The following OAS3 variants were observed in gnomAD, a reference collection of about 807,000 sequenced individuals.
OAS3 encodes 2'-5'-oligoadenylate synthase 3.
A neutral mutation model predicts 113.0 loss-of-function variants in OAS3; 107 were observed. The ratio of observed to expected loss-of-function variants is 0.95; its 90% CI spans 0.81 to 1.11. The LOEUF (loss-of-function observed/expected upper bound fraction) is 1.11. OAS3 is among the 50% of genes most tolerant of loss of function. OAS3 has a pLI of 0.00. For synonymous variants in OAS3, 552 were observed against 573.6 expected, an observed-to-expected ratio of 0.96 and a Z score of 0.54; for missense variants, 1,258 against 1,389.1, an observed-to-expected ratio of 0.91 and a Z score of 1.50.
At position 112,950,318 on chromosome 12, in the gene OAS3, C is replaced by T. The variant is rs370140233; in HGVS notation, c.1375-375C>T. 5.3e-5 allele frequency among the ~76,000 whole-genome samples: 8 copies of T among 152,310 alleles called. No individual in the cohort carries two copies. In the East Asian group the frequency reaches 1.5e-3, roughly 29 times the overall value. On this transcript the variant is annotated intron_variant, in intron 6 of 15. Transcript: ENST00000228928. ...CAGGGCAACAGAGGACAATTGCAGGCCCTATTAGGGCTTGGGACCTCAATT... is the reference window on the plus strand; with the variant it reads ...CAGGGCAACAGAGGACAATTGCAGGTCCTATTAGGGCTTGGGACCTCAATT...
chr12:112,957,756 G>C (rs1236968974), intron 7 of OAS3, among the ~76,000 whole-genome samples: 1 of 152,150 alleles, frequency 6.6e-6, no homozygotes, highest in East Asian at 1.9e-4. Context: ...TTTCTCTCTG[G>C]CTGCCCTTAA....
chr12:112,950,497 G>A lies in OAS3; in HGVS notation c.1375-196G>A, dbSNP rs529060002. On this transcript the variant is annotated intron_variant, in intron 6 of 15. Transcript: ENST00000228928. ...TTCATGGATCAGAGGGCAGGTGCAG[G>A]CAGATACAACTTGACTCTCTGTCAC... is the stretch of plus-strand genomic sequence containing the variant. 24 of 626,984 alleles carry A rather than the reference G, an allele frequency of 3.8e-5. No individual in the cohort carries two copies. The South Asian group carries it at 4.5e-4, about 12-fold the overall frequency. 38.8% of individuals were successfully genotyped at this position (626,984 alleles called of 1,614,324 possible). A position where few individuals can be genotyped will look rare whatever the true frequency, so the allele number is the denominator to read the frequency against.
rs552003206 is a variant in OAS3, at chr12:112,960,828, T to C, written c.1658-243T>C. 6.6e-5 allele frequency among the ~76,000 whole-genome samples: 10 copies of C among 152,154 alleles called. No homozygotes were observed. In the East Asian group the frequency reaches 1.7e-3, roughly 26 times the overall value. ...GAAAATTTAAAAAACAAAAAATAAA[T>C]AGAAGATTATCCACTGTGCAGTTAC... On this transcript the variant is annotated intron_variant, in intron 7 of 15. Coordinates refer to ENST00000228928, the MANE Select transcript of OAS3 (RefSeq NM_006187.4).
intron 7 of OAS3, among the ~76,000 whole-genome samples, chr12:112,953,183 C>T (rs6489883): frequency 0.58 from 88,473 of 151,466 alleles, 26,474 homozygotes; most frequent in East Asian, 0.9. Flanking sequence ...TTCCCCACCC[C>T]GTGTCCAAGT....
rs757288416 is a variant in OAS3 at position 112,941,858 on chromosome 12, G to C, written c.460+6G>C. On this transcript the variant is annotated splice_donor_region_variant and intron_variant, in intron 2 of 15. Coordinates refer to ENST00000228928, the MANE Select transcript of OAS3 (RefSeq NM_006187.4). ...GCCTGCCTTCAATGTCCTGGGTGAGGGGTTCCTAGACCATTCCAGGGTTGG... is the reference window on the plus strand; with the variant it reads ...GCCTGCCTTCAATGTCCTGGGTGAGCGGTTCCTAGACCATTCCAGGGTTGG... 1.9e-6 allele frequency: 3 copies of C among 1,613,982 alleles called. No homozygotes were observed. Among genetic ancestry groups the C allele is most frequent in the Non-Finnish European group, 2.5e-6 (3 of 1,179,890 alleles).
At chr12:112,939,306 C>CTTTTTTTTTTTTTT (rs58792765) in intron 1 of OAS3, among the ~76,000 whole-genome samples, 11 of 68,300 alleles carry the variant, frequency 1.6e-4, no homozygotes, top group African/African-American at 6.0e-4. Flanking sequence ...TGAGTCACAT[C>CTTTTTTTTTTTTTT]TTTTTTTTTT....
intron 7 of OAS3, among the ~76,000 whole-genome samples, chr12:112,959,140 G>C (rs183209325): frequency 4.6e-5 from 7 of 152,146 alleles, no homozygotes; most frequent in African/African-American, 1.7e-4. Flanking sequence ...GTGACCCTCC[G>C]TGCCAGGTGC....
At chr12:112,947,481 T>C (rs2043744178) in intron 4 of OAS3, among the ~76,000 whole-genome samples, 1 of 152,258 alleles carries the variant, frequency 6.6e-6, no homozygotes, top group Non-Finnish European at 1.5e-5. Flanking sequence ...TTTAGCTATA[T>C]AGTTGTGGAT....
At chr12:112,942,274 A>C in intron 2 of OAS3, 1 of 356,654 alleles carries the variant, frequency 2.8e-6, no homozygotes. Context: ...TCTCCTTCGT[A>C]ATACACGTAT....
At position 112,970,268 on chromosome 12, in the gene OAS3, A is replaced by G. The variant is rs7300330; in HGVS notation, c.*295A>G. 45 of 482,620 alleles carry G rather than the reference A, an allele frequency of 9.3e-5. No individual in the cohort carries two copies. Among genetic ancestry groups the G allele is most frequent in the Non-Finnish European group, 1.5e-4 (39 of 268,264 alleles). The allele number at this position is 482,620 out of a possible 1,614,324, so 29.9% of individuals were successfully genotyped here. A position where few individuals can be genotyped will look rare whatever the true frequency, so the allele number is the denominator to read the frequency against. ...TCCATGACTCTATCCTCATACCACCACTGCTGCTTCCCACCCAGCTGAGAA... is the reference window on the plus strand; with the variant it reads ...TCCATGACTCTATCCTCATACCACCGCTGCTGCTTCCCACCCAGCTGAGAA... On this transcript the variant is annotated 3_prime_UTR_variant, in exon 16 of 16. Transcript: ENST00000228928.
Position 112,970,222 on chromosome 12 carries a change from G to A in OAS3, c.*249G>A, listed in dbSNP as rs796828996. 5.5e-5 allele frequency: 32 copies of A among 577,820 alleles called. No homozygotes were observed. The highest frequency in any genetic ancestry group is 1.6e-4 in the South Asian group (8 of 49,644). The allele number at this position is 577,820 out of a possible 1,614,324, so 35.8% of individuals were successfully genotyped here. A position where few individuals can be genotyped will look rare whatever the true frequency, so the allele number is the denominator to read the frequency against. ...ACTCCATGGTTTGACACCAGCCTGC[G>A]TTTGCAGCTTCTCTGTCACTTCCAT... On this transcript the variant is annotated 3_prime_UTR_variant, in exon 16 of 16. Coordinates refer to ENST00000228928, the MANE Select transcript of OAS3 (RefSeq NM_006187.4).
In OAS3 at chr12:112,961,125, C is replaced by T; in HGVS notation, c.1712C>T (p.Thr571Ile). 6.2e-7 allele frequency: 1 copy of T among 1,613,900 alleles called. No individual in the cohort carries two copies. The highest frequency in any genetic ancestry group is 8.5e-7 in the Non-Finnish European group (1 of 1,179,864). ...CCCCAGGTCTACTCGAGGCTCCTCA[C>T]CAGTGGCTGCCAGGAGGGCGAGCAT... ...PNPQVYSRLL[T>I]SGCQEGEHKA... Residue 571 changes from threonine (T) to isoleucine (I), a missense_variant, in exon 8 of 16, where the codon ACC becomes ATC. Transcript: ENST00000228928.
At position 112,938,487 on chromosome 12, in the gene OAS3, C is replaced by G; in HGVS notation, c.-44C>G. The G allele has an allele frequency of 6.7e-7, 1 of 1,493,684 alleles. No homozygotes were observed. Among genetic ancestry groups the G allele is most frequent in the Middle Eastern group, 2.4e-4 (1 of 4,252 alleles). The allele number at this position is 1,493,684 out of a possible 1,614,324, so 92.5% of individuals were successfully genotyped here. On this transcript the variant is annotated 5_prime_UTR_variant, in exon 1 of 16. Transcript: ENST00000228928. ...GAAAACGAAACCAGAAATCCGAAGG[C>G]CGCGCCAGAGCCCTGCTTCCCCTTG...
rs769973074 is a variant in OAS3 at position 112,965,731 on chromosome 12, A to C, written c.2404-13A>C. ...TGCTTCAAGGGTTGAGCCACCTGCC[A>C]TGTCCTCTCCAGGGTGGCTCTTCAG... On this transcript the variant is annotated splice_polypyrimidine_tract_variant and intron_variant, in intron 11 of 15. Coordinates refer to ENST00000228928, the MANE Select transcript of OAS3 (RefSeq NM_006187.4). 1 of 1,602,022 alleles carries C rather than the reference A, an allele frequency of 6.2e-7. No homozygotes were observed. The highest frequency in any genetic ancestry group is 1.3e-5 in the African/African-American group (1 of 74,932).
chr12:112,958,854 C>T (rs1214308323), intron 7 of OAS3, among the ~76,000 whole-genome samples: 2 of 152,216 alleles, frequency 1.3e-5, no homozygotes, highest in Non-Finnish European at 2.9e-5. Context: ...CTGGGAGAAC[C>T]ACTACTCTCT....
In OAS3 at chr12:112,957,847, G is replaced by C. The variant is rs562288204; in HGVS notation, c.1658-3224G>C. Among the ~76,000 whole-genome samples the C allele has an allele frequency of 3.7e-4, 56 of 152,126 alleles. 1 individual carries two copies. Among genetic ancestry groups the C allele is most frequent in the Non-Finnish European group, 5.1e-4 (35 of 68,028 alleles). On this transcript the variant is annotated intron_variant, in intron 7 of 15. Transcript: ENST00000228928. The stretch of plus-strand genomic sequence containing the variant: ...GGTCTTCTCGAGGAGTATCTTTGTG[G>C]TGTTCTCTGTATTTCCTGAATTTTA...
rs995134650 is a variant in OAS3, at chr12:112,967,515, G to A, written c.2787G>A (p.Glu929=). ...GCGAGTACTCCACCTGCTTCACAGA[G>A]CTACAACGGGACTTCATCATCTCTC... ...NAGEYSTCFT[E]LQRDFIISRP... is the part of the protein sequence containing the mutation. The change falls in exon 13 of 16, where the codon GAG becomes GAA. Residue 929 remains glutamate, a synonymous_variant. Transcript: ENST00000228928. 7.4e-6 allele frequency: 12 copies of A among 1,613,766 alleles called. No homozygotes were observed. In the East Asian group the frequency reaches 2.5e-4, roughly 33 times the overall value.
At chr12:112,961,755 A>G (rs1025625097) in intron 8 of OAS3, among the ~76,000 whole-genome samples, 10 of 151,418 alleles carry the variant, frequency 6.6e-5, no homozygotes, top group Non-Finnish European at 1.5e-5. Context: ...AAGCAGATCT[A>G]CTCCAAGGCT....
intron 11 of OAS3, among the ~76,000 whole-genome samples, chr12:112,965,150 GAA>G (rs2043922795): frequency 6.6e-6 from 1 of 152,224 alleles, no homozygotes; most frequent in Non-Finnish European, 1.5e-5. Flanking sequence ...GATCAGCTCA[GAA>G]AGAGTGTTAG....
Sources: allele counts gnomAD v4.1 joint callset (sites outside exome capture counted in the v4.1 genomes callset), GRCh38; gene constraint gnomAD v4.1.1; transcripts MANE v1.5; gene names NCBI Gene and HGNC (gene_info 2026-07-23, HGNC 2026-07-21).